The following IGF2BP2 variants were observed in gnomAD, a reference collection of about 807,000 sequenced individuals.
IGF2BP2 encodes insulin-like growth factor 2 mRNA-binding protein 2.
A neutral mutation model predicts 75.8 loss-of-function variants in IGF2BP2; 17 were observed. That is an observed-to-expected ratio of 0.22 (90% CI 0.15 to 0.34). The LOEUF (loss-of-function observed/expected upper bound fraction) is 0.34. IGF2BP2 is among the 10% of genes least tolerant of loss of function. The probability of loss-of-function intolerance (pLI) is 1.00; values close to 1 mark genes in which losing one functional copy is unlikely to be tolerated. For missense variants in IGF2BP2, 516 were observed against 772.4 expected, an observed-to-expected ratio of 0.67 and a Z score of 3.93; for synonymous variants, 288 against 295.6, an observed-to-expected ratio of 0.97 and a Z score of 0.26.
chr3:185,713,110 C>T, intron 2 of IGF2BP2: 1 of 267,432 alleles, frequency 3.7e-6, no homozygotes, highest in Non-Finnish European at 7.5e-6. Context: ...GTGCAAGAGA[C>T]ATATATGTGT....
At chr3:185,759,902 C>T (rs988096548) in intron 2 of IGF2BP2, among the ~76,000 whole-genome samples, 5 of 152,136 alleles carry the variant, frequency 3.3e-5, no homozygotes, top group African/African-American at 1.2e-4. Context: ...GTGATGAACC[C>T]GGCTTTAACA....
intron 2 of IGF2BP2, among the ~76,000 whole-genome samples, chr3:185,762,354 C>T (rs1283178892): frequency 1.4e-5 from 2 of 143,360 alleles, no homozygotes; most frequent in Non-Finnish European, 3.0e-5. Flanking sequence ...ATGGTGAAAC[C>T]CAGGCTTTAC....
chr3:185,795,043 G>A (rs777714159), intron 2 of IGF2BP2, among the ~76,000 whole-genome samples: 61 of 151,706 alleles, frequency 4.0e-4, no homozygotes, highest in Non-Finnish European at 7.9e-4. Context: ...AACTACAGGC[G>A]CCCACCACCT....
chr3:185,736,307 A>G (rs1375877262), intron 2 of IGF2BP2, among the ~76,000 whole-genome samples: 1 of 152,122 alleles, frequency 6.6e-6, no homozygotes, highest in Non-Finnish European at 1.5e-5. Flanking sequence ...CTTCCATTCC[A>G]AACACCACAC....
At chr3:185,774,314 G>C (rs2149769338) in intron 2 of IGF2BP2, among the ~76,000 whole-genome samples, 2 of 152,292 alleles carry the variant, frequency 1.3e-5, no homozygotes, top group Middle Eastern at 6.8e-3. Flanking sequence ...AGTAAAAACA[G>C]GCCGGGCATG....
chr3:185,816,172 C>G (rs1461025751), intron 2 of IGF2BP2, among the ~76,000 whole-genome samples: 1 of 152,154 alleles, frequency 6.6e-6, no homozygotes, highest in Non-Finnish European at 1.5e-5. Context: ...ATAGTCTTGA[C>G]CCGGGTGACA....
intron 13 of IGF2BP2, among the ~76,000 whole-genome samples, chr3:185,649,743 T>C (rs546462111): frequency 6.6e-5 from 10 of 152,304 alleles, no homozygotes; most frequent in Admixed American, 5.2e-4. Context: ...CTTTGAAAAA[T>C]GTGGATGGGC....
chr3:185,721,349 C>T (rs556616248), intron 2 of IGF2BP2, among the ~76,000 whole-genome samples: 5 of 152,008 alleles, frequency 3.3e-5, no homozygotes, highest in African/African-American at 1.2e-4. Flanking sequence ...TTACAGGTAC[C>T]CACCACAATG....
chr3:185,699,942 A>AT (rs781353544), intron 2 of IGF2BP2, among the ~76,000 whole-genome samples: 92 of 151,868 alleles, frequency 6.1e-4, no homozygotes, highest in Non-Finnish European at 7.1e-4. Context: ...AAGTTATGTA[A>AT]TTTTTTTTTA....
At chr3:185,731,710 C>A (rs1414074519) in intron 2 of IGF2BP2, among the ~76,000 whole-genome samples, 1 of 152,086 alleles carries the variant, frequency 6.6e-6, no homozygotes, top group African/African-American at 2.4e-5. Flanking sequence ...CGCAGTGGCT[C>A]ATGCCTGTAA....
chr3:185,680,474 T>C (rs888699698), intron 7 of IGF2BP2, among the ~76,000 whole-genome samples: 1 of 152,222 alleles, frequency 6.6e-6, no homozygotes, highest in African/African-American at 2.4e-5. Flanking sequence ...TTTACCCTGA[T>C]TCCAAAGCCA....
At chr3:185,812,303 C>T (rs1217620691) in intron 2 of IGF2BP2, among the ~76,000 whole-genome samples, 2 of 152,192 alleles carry the variant, frequency 1.3e-5, no homozygotes, top group Non-Finnish European at 2.9e-5. Context: ...ATGCCCATCA[C>T]TCTTCAAAGG....
Position 185,812,357 on chromosome 3 carries a change from T to C in IGF2BP2, c.239+10796A>G, listed in dbSNP as rs1394923896. On this transcript the variant is annotated intron_variant, in intron 2 of 15. Transcript: ENST00000382199. ...CTGCCAAGAGCCAGAGCGCAATCAC[T>C]GGCCAAGGAGCTCCCTGGAAAGTTC... 2.6e-5 allele frequency among the ~76,000 whole-genome samples: 4 copies of C among 152,354 alleles called. No homozygotes were observed. The East Asian group carries it at 7.7e-4, about 29-fold the overall frequency.
intron 2 of IGF2BP2, among the ~76,000 whole-genome samples, chr3:185,731,246 CTT>C (rs760172663): frequency 2.4e-4 from 31 of 129,198 alleles, no homozygotes; most frequent in South Asian, 5.0e-4. Context: ...GCATCACTTT[CTT>C]TTTTTTTTTT....
At chr3:185,722,245 T>C (rs1034081270) in intron 2 of IGF2BP2, 2 of 456,292 alleles carry the variant, frequency 4.4e-6, no homozygotes, top group Non-Finnish European at 8.8e-6. Flanking sequence ...CAAGTGTTTA[T>C]CCCCATTCCA....
chr3:185,652,093 C>T lies in IGF2BP2; in HGVS notation c.1461+1G>A. On this transcript the variant is annotated splice_donor_variant, in intron 13 of 15. Coordinates refer to ENST00000382199, the MANE Select transcript of IGF2BP2 (RefSeq NM_006548.6). LOFTEE classifies it high-confidence loss of function. ...GGGCTGAGGTGTCCCTTGGCACTAA[C>T]CTTGAACTGGGCTTCCGGTGGCCCG... The T allele has an allele frequency of 6.2e-7, 1 of 1,612,172 alleles. No individual in the cohort carries two copies. The highest frequency in any genetic ancestry group is 8.5e-7 in the Non-Finnish European group (1 of 1,178,780).
intron 2 of IGF2BP2, among the ~76,000 whole-genome samples, chr3:185,783,739 G>T (rs1735509875): frequency 6.6e-6 from 1 of 152,184 alleles, no homozygotes; most frequent in South Asian, 2.1e-4. Flanking sequence ...TACAGAATGG[G>T]TGTAGTCCAT....
intron 10 of IGF2BP2, among the ~76,000 whole-genome samples, chr3:185,669,664 A>T (rs1452622742): frequency 2.0e-5 from 3 of 152,288 alleles, no homozygotes; most frequent in African/African-American, 7.2e-5. Flanking sequence ...GCCAGTTATA[A>T]GGAGGGACAC....
chr3:185,802,130 T>C (rs1240040184), intron 2 of IGF2BP2, among the ~76,000 whole-genome samples: 3 of 151,984 alleles, frequency 2.0e-5, no homozygotes, highest in Non-Finnish European at 2.9e-5. Context: ...TGTATACCTA[T>C]GTAACAAACC....
Sources: allele counts gnomAD v4.1 joint callset (sites outside exome capture counted in the v4.1 genomes callset), GRCh38; gene constraint gnomAD v4.1.1; transcripts MANE v1.5; gene names NCBI Gene and HGNC (gene_info 2026-07-23, HGNC 2026-07-21).